RYR1: variants seen among roughly 807,000 people sequenced by gnomAD.
RYR1 encodes the protein central core disease of muscle.
RYR1 carries 342 observed loss-of-function variants against 583.5 expected under a neutral mutation model. The ratio of observed to expected loss-of-function variants is 0.59; its 90% CI spans 0.54 to 0.64. RYR1 has a LOEUF of 0.64. Ranked by LOEUF, RYR1 falls within the 30% of genes least tolerant of loss-of-function variation. RYR1 has a pLI of 0.00. For missense variants in RYR1, 6,032 were observed against 6,917.2 expected (o/e 0.87, Z 4.54); for synonymous variants, 2,791 against 2,822.5 (o/e 0.99, Z 0.35).
chr19:38,482,884 A>G, intron 31 of RYR1, 143 bp from the exon 32 acceptor site: 3 of 741,028 alleles, frequency 4.0e-6, no homozygotes, highest in Non-Finnish European at 7.3e-6. Flanking sequence ...GAGGTGGGAC[A>G]GTCTAAGGGT....
Position 38,458,174 on chromosome 19 carries a change from G to T in RYR1, c.2049G>T (p.Val683=), listed in dbSNP as rs1967521130. 6.2e-7 allele frequency: 1 copy of T among 1,612,770 alleles called. No individual in the cohort carries two copies. Among genetic ancestry groups the T allele is most frequent in the Non-Finnish European group, 8.5e-7 (1 of 1,179,600 alleles). ...FLTAQATHLR[V]GWALTEGYTP... ...CAGCTCAGGCCACCCACTTGCGGGT[G>T]GGCTGGGCCCTCACCGAGGGCTACA... Residue 683 remains valine, a synonymous_variant, in exon 18 of 106, where the codon GTG becomes GTT. Transcript: ENST00000359596.
At chr19:38,502,842 T>C (rs776170905) in intron 48 of RYR1, 38 bp from the exon 49 acceptor site, 1 of 1,584,898 alleles carries the variant, frequency 6.3e-7, no homozygotes, top group Non-Finnish European at 8.6e-7. Flanking sequence ...AGAGCGGGCC[T>C]GGACGGGGGA....
At chr19:38,449,658 C>T (rs936928156) in intron 11 of RYR1, among the ~76,000 whole-genome samples, 1 of 152,200 alleles carries the variant, frequency 6.6e-6, no homozygotes, top group Non-Finnish European at 1.5e-5. Context: ...AACAAACTGC[C>T]TTTAGTGAAG....
intron 90 of RYR1, among the ~76,000 whole-genome samples, chr19:38,563,016 A>C (rs921752927): frequency 6.6e-6 from 1 of 152,170 alleles, no homozygotes; most frequent in African/African-American, 2.4e-5. Flanking sequence ...CTGCCTCTGC[A>C]GGAAGCCCCT....
At chr19:38,436,925 T>TG (rs2145303595) in intron 1 of RYR1, among the ~76,000 whole-genome samples, 1 of 152,242 alleles carries the variant, frequency 6.6e-6, no homozygotes, top group Admixed American at 6.5e-5. Context: ...TAGAAGCTCC[T>TG]GGGGTCTGGT....
At position 38,473,445 on chromosome 19, in the gene RYR1, C is replaced by G; in HGVS notation, c.3834C>G (p.Ser1278=). The G allele has an allele frequency of 6.2e-7, 1 of 1,613,960 alleles. No individual in the cohort carries two copies. Among genetic ancestry groups the G allele is most frequent in the African/African-American group, 1.3e-5 (1 of 75,038 alleles). Residue 1278 remains serine (S), a synonymous_variant, in exon 28 of 106, where the codon TCC becomes TCG. Coordinates refer to ENST00000359596, the MANE Select transcript of RYR1 (RefSeq NM_000540.3). ...GCCTGACCCACCGCACCTGGGGCTCCCAGAACAGCCTGGTGGAGATGCTTT... is the reference window on the plus strand; with the variant it reads ...GCCTGACCCACCGCACCTGGGGCTCGCAGAACAGCCTGGTGGAGATGCTTT... ...CLRLTHRTWG[S]QNSLVEMLFL... is the part of the protein sequence containing the mutation.
intron 101 of RYR1, among the ~76,000 whole-genome samples, chr19:38,581,341 TGCTG>T (rs1192337850): frequency 6.6e-6 from 1 of 152,134 alleles, no homozygotes; most frequent in Non-Finnish European, 1.5e-5. Context: ...CCTCCCAAAG[TGCTG>T]GGATTACAGG....
At chr19:38,560,048 T>C (rs554611454) in intron 89 of RYR1, among the ~76,000 whole-genome samples, 45 of 152,108 alleles carry the variant, frequency 3.0e-4, no homozygotes, top group Non-Finnish European at 5.0e-4. Flanking sequence ...AGCACAAGAA[T>C]GTTCAAGAAA....
Position 38,500,103 on chromosome 19 carries a change from T to C in RYR1, c.7323+87T>C, listed in dbSNP as rs1328365360. 6.9e-6 allele frequency: 8 copies of C among 1,166,252 alleles called. No individual in the cohort carries two copies. The East Asian group carries it at 1.9e-4, about 28-fold the overall frequency. The allele number at this position is 1,166,252 out of a possible 1,614,324, so 72.2% of individuals were successfully genotyped here. On this transcript the variant is annotated intron_variant, in intron 45 of 105. Coordinates refer to ENST00000359596, the MANE Select transcript of RYR1 (RefSeq NM_000540.3). The surrounding 1 kb of genome is among the most constrained non-coding windows in gnomAD (Gnocchi z 5.9). The stretch of plus-strand genomic sequence containing the variant: ...CATGCAGGCACTCGGTGACACGGAG[T>C]GAGCTCCCATATGTGGGTGGTCCTG...
At chr19:38,554,444 C>G (rs966430649) in intron 89 of RYR1, among the ~76,000 whole-genome samples, 7 of 107,902 alleles carry the variant, frequency 6.5e-5, no homozygotes, top group African/African-American at 2.5e-4. Flanking sequence ...GAACAAGACT[C>G]AGTCTCAAAA....
rs1183102741 is a variant in RYR1, at chr19:38,565,967, A to G, written c.13437+196A>G. On this transcript the variant is annotated intron_variant, in intron 91 of 105. Coordinates refer to ENST00000359596, the MANE Select transcript of RYR1 (RefSeq NM_000540.3). This position sits in a 1 kb window ranked among gnomAD's most constrained non-coding sequence, Gnocchi z 4.7. ...GGGCAAGAGAGACGCTCAGAGACAG[A>G]GGGATACTCAGACCCACAGAGAAAG... Among the ~76,000 whole-genome samples the G allele has an allele frequency of 2.6e-5, 4 of 151,958 alleles. No individual in the cohort carries two copies. Among genetic ancestry groups the G allele is most frequent in the African/African-American group, 9.7e-5 (4 of 41,352 alleles).
intron 96 of RYR1, 74 bp downstream of exon 96, chr19:38,573,381 C>T: frequency 6.4e-7 from 1 of 1,560,596 alleles, no homozygotes; most frequent in Non-Finnish European, 8.7e-7. Context: ...GGCCTGGACC[C>T]CAAAAAACTA....
chr19:38,482,932 G>A, intron 31 of RYR1, 95 bp from the exon 32 acceptor site: 2 of 1,062,736 alleles, frequency 1.9e-6, no homozygotes, highest in Admixed American at 1.7e-5. Flanking sequence ...ACGCCCAGAT[G>A]AGGACCTACA....
chr19:38,524,762 C>T (rs1220885241), intron 70 of RYR1, among the ~76,000 whole-genome samples: 1 of 152,144 alleles, frequency 6.6e-6, no homozygotes, highest in African/African-American at 2.4e-5. Context: ...CTTCTCTTGT[C>T]GCTTGAACTC....
rs764026234 is a variant in RYR1 at position 38,505,859 on chromosome 19, C to T, written c.8454C>T (p.Ala2818=). 4.3e-6 allele frequency: 7 copies of T among 1,614,062 alleles called. No individual in the cohort carries two copies. Among genetic ancestry groups the T allele is most frequent in the Middle Eastern group, 1.6e-4 (1 of 6,062 alleles). ...PIKESLKAMI[A]WEWTIEKARE... ...AGGAGTCCCTGAAGGCCATGATTGCCTGGGAATGGACGATAGAGAAGGCCA... is the reference window on the plus strand; with the variant it reads ...AGGAGTCCCTGAAGGCCATGATTGCTTGGGAATGGACGATAGAGAAGGCCA... The change falls in exon 54 of 106, where the codon GCC becomes GCT. Residue 2818 remains alanine, a synonymous_variant. Transcript: ENST00000359596.
chr19:38,453,087 C>T lies in RYR1; in HGVS notation c.1440+73C>T, dbSNP rs572094544. ...GGACCACTGAGGGGCGGGGCCACGG[C>T]GCTGGGCGGGGCAGGGCCTGAGGGA... is the stretch of plus-strand genomic sequence containing the variant. On this transcript the variant is annotated intron_variant, in intron 13 of 105. Coordinates refer to ENST00000359596, the MANE Select transcript of RYR1 (RefSeq NM_000540.3). 6.9e-4 allele frequency: 1,047 copies of T among 1,513,222 alleles called. 7 individuals carry two copies. In the African/African-American group the frequency reaches 0.013, roughly 18 times the overall value. The allele number at this position is 1,513,222 out of a possible 1,614,324, so 93.7% of individuals were successfully genotyped here. A position where few individuals can be genotyped will look rare whatever the true frequency, so the allele number is the denominator to read the frequency against.
chr19:38,561,532 C>A lies in RYR1; in HGVS notation c.12624+78C>A. 1 of 1,385,596 alleles carries A rather than the reference C, an allele frequency of 7.2e-7. No homozygotes were observed. Among genetic ancestry groups the A allele is most frequent in the Non-Finnish European group, 9.9e-7 (1 of 1,009,972 alleles). 85.8% of individuals were successfully genotyped at this position (1,385,596 alleles called of 1,614,324 possible). ...GGTGCTCACTTCCTGCACCCTCAGACCCCACGGGGGCTGTGCGTGCCTCGC... is the reference window on the plus strand; with the variant it reads ...GGTGCTCACTTCCTGCACCCTCAGAACCCACGGGGGCTGTGCGTGCCTCGC... On this transcript the variant is annotated intron_variant, in intron 90 of 105. Transcript: ENST00000359596. The surrounding 1 kb of genome is among the most constrained non-coding windows in gnomAD (Gnocchi z 4.8).
chr19:38,493,394 T>C (rs1305351219), intron 38 of RYR1, among the ~76,000 whole-genome samples: 1 of 152,182 alleles, frequency 6.6e-6, no homozygotes, highest in African/African-American at 2.4e-5. Context: ...TCCCACAACA[T>C]TCAGGAAACT....
At chr19:38,544,279 G>A (rs1972332229) in intron 87 of RYR1, among the ~76,000 whole-genome samples, 1 of 152,164 alleles carries the variant, frequency 6.6e-6, no homozygotes, top group Non-Finnish European at 1.5e-5. Context: ...TATCTTACTT[G>A]CGGCAGATGA....
Sources: gnomAD v4.1 joint callset for allele counts (sites outside exome capture counted in the v4.1 genomes callset) on GRCh38, gnomAD v4.1.1 for gene constraint, Gnocchi (gnomAD v3.1) non-coding constraint, MANE v1.5 for transcripts, NCBI Gene and HGNC (gene_info 2026-07-23, HGNC 2026-07-21) for gene names.